Variants in MRPS27 observed in about 807,000 individuals in gnomAD.
MRPS27 encodes mitochondrial ribosomal protein S27.
MRPS27 carries 43 observed loss-of-function variants against 48.9 expected under a neutral mutation model. That is an observed-to-expected ratio of 0.88 (90% CI 0.69 to 1.13). The LOEUF (loss-of-function observed/expected upper bound fraction) is 1.13, where lower values mean the gene tolerates loss of function less well. Ranked by LOEUF, MRPS27 falls within the 50% of genes most tolerant of loss-of-function variation. The pLI is 0.00. For synonymous variants in MRPS27, 188 were observed against 171.9 expected (o/e 1.09, Z -0.73); for missense variants, 467 against 476.3 (o/e 0.98, Z 0.18).
intron 4 of MRPS27, among the ~76,000 whole-genome samples, chr5:72,273,272 G>A (rs187611477): frequency 2.6e-5 from 4 of 152,252 alleles, no homozygotes; most frequent in South Asian, 4.1e-4. Flanking sequence ...GGGATTTTTC[G>A]AGAAAGTGAG....
At chr5:72,235,380 T>C (rs1580058174) in intron 5 of MRPS27, among the ~76,000 whole-genome samples, 1 of 151,898 alleles carries the variant, frequency 6.6e-6, no homozygotes, top group Admixed American at 6.6e-5. Context: ...GCAAACCCAA[T>C]GAGGGATGAA....
intron 2 of MRPS27, among the ~76,000 whole-genome samples, chr5:72,312,142 A>C (rs1750455928): frequency 6.6e-6 from 1 of 152,216 alleles, no homozygotes; most frequent in Admixed American, 6.5e-5. Flanking sequence ...CTCAACAACA[A>C]TGACAATAAC....
intron 4 of MRPS27, among the ~76,000 whole-genome samples, chr5:72,263,795 A>G (rs1749041883): frequency 6.6e-6 from 1 of 152,168 alleles, no homozygotes; most frequent in Non-Finnish European, 1.5e-5. Context: ...TGCTGGAGCA[A>G]AAGTAAAATG....
chr5:72,320,104 C>G (rs767544559), intron 1 of MRPS27, 45 bp downstream of exon 1: 1 of 1,593,850 alleles, frequency 6.3e-7, no homozygotes, highest in South Asian at 1.1e-5. Flanking sequence ...TCCCTTCACC[C>G]AAAAAACAGA....
At chr5:72,231,162 A>G (rs1748055571) in intron 7 of MRPS27, among the ~76,000 whole-genome samples, 1 of 151,976 alleles carries the variant, frequency 6.6e-6, no homozygotes, top group Admixed American at 6.6e-5. Flanking sequence ...TACATTCTCC[A>G]ACCCTCTCAC....
At chr5:72,312,723 C>A (rs1022063575) in intron 2 of MRPS27, among the ~76,000 whole-genome samples, 1 of 150,876 alleles carries the variant, frequency 6.6e-6, no homozygotes, top group Non-Finnish European at 1.5e-5. Flanking sequence ...CGGGTTCAAG[C>A]GATTCTCCTG....
chr5:72,258,027 T>C (rs1748857546), intron 4 of MRPS27, among the ~76,000 whole-genome samples: 2 of 140,088 alleles, frequency 1.4e-5, no homozygotes, highest in South Asian at 4.4e-4. Context: ...GAGGTTGCAG[T>C]GAGCCACGAC....
intron 2 of MRPS27, among the ~76,000 whole-genome samples, chr5:72,306,124 C>A (rs1047312371): frequency 6.6e-6 from 1 of 152,142 alleles, no homozygotes; most frequent in Non-Finnish European, 1.5e-5. Context: ...CCTCATTCAT[C>A]ATTTTTGCAA....
At chr5:72,284,012 C>A (rs948030585) in intron 4 of MRPS27, among the ~76,000 whole-genome samples, 1 of 151,924 alleles carries the variant, frequency 6.6e-6, no homozygotes, top group African/African-American at 2.4e-5. Flanking sequence ...TAACATTTAC[C>A]AATTTTAATA....
Position 72,220,816 on chromosome 5 carries a change from A to G in MRPS27, c.*93T>C. 6.5e-7 allele frequency: 1 copy of G among 1,527,534 alleles called. No homozygotes were observed. Among genetic ancestry groups the G allele is most frequent in the South Asian group, 1.3e-5 (1 of 78,208 alleles). The allele number at this position is 1,527,534 out of a possible 1,614,324, so 94.6% of individuals were successfully genotyped here. A position where few individuals can be genotyped will look rare whatever the true frequency, so the allele number is the denominator to read the frequency against. On this transcript the variant is annotated 3_prime_UTR_variant, in exon 11 of 11. Transcript: ENST00000261413. ...TGCTTTAAGAAAAGAAGATGGGTAG[A>G]GGAAGCTGAGGCTGTTGTCCAGGCC...
intron 4 of MRPS27, among the ~76,000 whole-genome samples, chr5:72,268,575 A>G (rs1749157341): frequency 6.6e-6 from 1 of 152,206 alleles, no homozygotes; most frequent in Non-Finnish European, 1.5e-5. Flanking sequence ...TGATAATGGG[A>G]AATAAGTGCT....
At position 72,228,325 on chromosome 5, in the gene MRPS27, C is replaced by G. The variant is rs1561329618; in HGVS notation, c.635G>C (p.Gly212Ala). 3 of 1,613,570 alleles carry G rather than the reference C, an allele frequency of 1.9e-6. No individual in the cohort carries two copies. The highest frequency in any genetic ancestry group is 1.7e-6 in the Non-Finnish European group (2 of 1,179,682). The change falls in exon 8 of 11, where the codon GGC becomes GCC. Residue 212 changes from glycine to alanine, a missense_variant. Physicochemically the swap from Gly to Ala is moderately conservative, Grantham distance 60. Transcript: ENST00000261413. ...RNFGASLLLP[G>A]LKQKNSVGFS... The stretch of plus-strand genomic sequence containing the variant: ...ACCCACTGAGTTCTTTTGTTTTAGG[C>G]CTGGAAGCAAAAGGGATGCACCAAA...
intron 4 of MRPS27, chr5:72,294,720 T>C (rs1015129858): frequency 2.0e-5 from 3 of 151,958 alleles, no homozygotes; most frequent in South Asian, 2.1e-4. Flanking sequence ...TGTGGTAATG[T>C]AGAAAAGGTT....
At chr5:72,280,175 C>T (rs1042560977) in intron 4 of MRPS27, among the ~76,000 whole-genome samples, 7 of 152,092 alleles carry the variant, frequency 4.6e-5, no homozygotes, top group African/African-American at 2.4e-5. Context: ...TTATGTTAGT[C>T]TTCTTAAAAC....
chr5:72,283,324 ACT>A (rs778948223), intron 4 of MRPS27, among the ~76,000 whole-genome samples: 1 of 152,136 alleles, frequency 6.6e-6, no homozygotes, highest in African/African-American at 2.4e-5. Context: ...TCTATGTCAC[ACT>A]GTTAGGAGGT....
intron 2 of MRPS27, among the ~76,000 whole-genome samples, chr5:72,310,354 G>A (rs1255459128): frequency 6.6e-6 from 1 of 151,984 alleles, no homozygotes; most frequent in East Asian, 1.9e-4. Context: ...AGGGTACACA[G>A]TGAGCCTGAA....
At chr5:72,237,702 C>T (rs945597760) in intron 5 of MRPS27, among the ~76,000 whole-genome samples, 1 of 151,966 alleles carries the variant, frequency 6.6e-6, no homozygotes, top group Non-Finnish European at 1.5e-5. Flanking sequence ...CTATACTTCA[C>T]CAGAAGGAAA....
chr5:72,232,624 TAAC>T (rs754746536), intron 6 of MRPS27, 66 bp from the exon 7 acceptor site: 64 of 1,144,756 alleles, frequency 5.6e-5, no homozygotes, highest in Non-Finnish European at 8.1e-5. Context: ...AATCTCTATT[TAAC>T]TATAAACACT....
At chr5:72,226,759 A>G (rs1747911590) in intron 8 of MRPS27, among the ~76,000 whole-genome samples, 1 of 152,042 alleles carries the variant, frequency 6.6e-6, no homozygotes. Context: ...TTTTAAAATA[A>G]CAGAGTTCTC....
Sources: gnomAD v4.1 joint callset for allele counts (sites outside exome capture counted in the v4.1 genomes callset) on GRCh38, gnomAD v4.1.1 for gene constraint, MANE v1.5 for transcripts, NCBI Gene and HGNC (gene_info 2026-07-23, HGNC 2026-07-21) for gene names.